The following NCOA2 variants were observed in gnomAD, a reference collection of about 807,000 sequenced individuals.
NCOA2 encodes the protein nuclear receptor coactivator 2.
NCOA2 carries 21 observed loss-of-function variants against 145.1 expected under a neutral mutation model. That is an observed-to-expected ratio of 0.14 (90% CI 0.10 to 0.21). The LOEUF is 0.21. Ranked by LOEUF, NCOA2 falls within the 10% of genes least tolerant of loss-of-function variation. NCOA2 has a pLI of 1.00. For synonymous variants in NCOA2, 619 were observed against 637.5 expected (o/e 0.97, Z 0.44); for missense variants, 1,472 against 1,837.6 (o/e 0.80, Z 3.64).
chr8:70,390,748 A>C (rs1160169839), intron 1 of NCOA2, among the ~76,000 whole-genome samples: 1 of 152,182 alleles, frequency 6.6e-6, no homozygotes, highest in Non-Finnish European at 1.5e-5. Context: ...AGCCTGGGCT[A>C]CAGAGCAAGA....
intron 1 of NCOA2, among the ~76,000 whole-genome samples, chr8:70,311,101 A>G (rs768444140): frequency 6.6e-6 from 1 of 152,172 alleles, no homozygotes; most frequent in Non-Finnish European, 1.5e-5. Context: ...CTGTTGACTG[A>G]TAATACATTT....
Position 70,160,659 on chromosome 8 carries a change from C to CAGAGAGAGAGAGAGAGAGAGAG in NCOA2, c.977-1029_977-1008dup, listed in dbSNP as rs776025101. Among the ~76,000 whole-genome samples the CAGAGAGAGAGAGAGAGAGAGAG allele has an allele frequency of 3.9e-3, 517 of 132,212 alleles. 10 individuals are homozygous for CAGAGAGAGAGAGAGAGAGAGAG. The highest frequency in any genetic ancestry group is 0.011 in the Admixed American group (140 of 12,942). 86.7% of individuals were successfully genotyped at this position (132,212 alleles called of 152,430 possible). A position where few individuals can be genotyped will look rare whatever the true frequency, so the allele number is the denominator to read the frequency against. ...CCACAAAACTGCCACAAGTGAGAGA[C>CAGAGAGAGAGAGAGAGAGAGAG]AGAGAGAGAGAGAGAGAGAGAGGGA... On this transcript the variant is annotated intron_variant, in intron 9 of 22. Transcript: ENST00000452400.
At chr8:70,319,235 T>C (rs945509239) in intron 1 of NCOA2, among the ~76,000 whole-genome samples, 3 of 152,130 alleles carry the variant, frequency 2.0e-5, no homozygotes, top group African/African-American at 4.8e-5. Flanking sequence ...ATGATGTTTC[T>C]GAAATTTATA....
intron 2 of NCOA2, among the ~76,000 whole-genome samples, chr8:70,272,250 G>C (rs1825109234): frequency 6.6e-6 from 1 of 152,022 alleles, no homozygotes. Context: ...TTCTGCTACA[G>C]GTATAGACAT....
At chr8:70,251,942 C>G (rs1026212484) in intron 2 of NCOA2, among the ~76,000 whole-genome samples, 11 of 152,184 alleles carry the variant, frequency 7.2e-5, no homozygotes, top group African/African-American at 2.7e-4. Flanking sequence ...CCCATGGATA[C>G]TCAAATCCTC....
intron 1 of NCOA2, among the ~76,000 whole-genome samples, chr8:70,315,503 C>T (rs1805512426): frequency 6.6e-6 from 1 of 152,110 alleles, no homozygotes; most frequent in Non-Finnish European, 1.5e-5. Flanking sequence ...TTAAATGATT[C>T]CAAACATTTT....
Position 70,163,560 on chromosome 8 carries a change from T to C in NCOA2, c.737A>G (p.Gln246Arg). The change falls in exon 8 of 23, where the codon CAG becomes CGG. Residue 246 changes from glutamine (Q) to arginine (R), a missense_variant. Physicochemically the swap from Gln to Arg is conservative, Grantham distance 43. Transcript: ENST00000452400. ...TCTTGCCACGCAAATCAAGCAGGAC[T>C]GCAAATCTTAAACCACACATGTTTA... ...KSIKEEGEDL[Q>R]SCLICVARRV... 1 of 1,613,294 alleles carries C rather than the reference T, an allele frequency of 6.2e-7. No individual in the cohort carries two copies. Among genetic ancestry groups the C allele is most frequent in the Non-Finnish European group, 8.5e-7 (1 of 1,179,312 alleles).
the NCOA2 span, among the ~76,000 whole-genome samples, chr8:70,410,178 A>G: frequency 6.6e-6 from 1 of 152,096 alleles, no homozygotes; most frequent in South Asian, 2.1e-4. Flanking sequence ...CCAGTGCACT[A>G]CAGCCTGAGT....
intron 2 of NCOA2, among the ~76,000 whole-genome samples, chr8:70,243,831 T>C (rs1330693327): frequency 6.6e-6 from 1 of 150,692 alleles, no homozygotes; most frequent in Non-Finnish European, 1.5e-5. Flanking sequence ...ATACGATAGT[T>C]AAAAAAAATC....
At chr8:70,441,992 GAAAGGAAAGAAAGAAAT>G in the NCOA2 span, among the ~76,000 whole-genome samples, 53,994 of 134,208 alleles carry the variant, frequency 0.4, 11,523 homozygotes, top group Middle Eastern at 0.59. Context: ...AAGAGAGAAA[GAAAGGAAAGAAAGAAAT>G]AAAGGAAAGA....
At chr8:70,324,296 G>A (rs561687894) in intron 1 of NCOA2, among the ~76,000 whole-genome samples, 26 of 152,140 alleles carry the variant, frequency 1.7e-4, no homozygotes, top group Middle Eastern at 3.4e-3. Flanking sequence ...TCAAGTACCA[G>A]GTGCCAGAGG....
intron 4 of NCOA2, among the ~76,000 whole-genome samples, chr8:70,187,718 C>T (rs571682863): frequency 4.6e-5 from 7 of 152,162 alleles, no homozygotes; most frequent in Non-Finnish European, 7.3e-5. Flanking sequence ...ATCAAATTAA[C>T]TGGTTTAAAT....
At chr8:70,359,775 G>T (rs563363822) in intron 1 of NCOA2, among the ~76,000 whole-genome samples, 40 of 152,186 alleles carry the variant, frequency 2.6e-4, no homozygotes, top group Non-Finnish European at 4.3e-4. Flanking sequence ...CCTTAACAGA[G>T]ATTTATACCC....
chr8:70,253,682 G>T (rs574993532), intron 2 of NCOA2, among the ~76,000 whole-genome samples: 4 of 152,168 alleles, frequency 2.6e-5, no homozygotes, highest in Admixed American at 1.3e-4. Context: ...AATAGTATTG[G>T]GAAAATTGGA....
chr8:70,402,809 A>G (rs1814447943), intron 1 of NCOA2, among the ~76,000 whole-genome samples: 1 of 128,702 alleles, frequency 7.8e-6, no homozygotes, highest in Admixed American at 7.6e-5. Context: ...CGCCTCCTGC[A>G]TACACGCCCG....
chr8:70,203,441 A>T lies in NCOA2; in HGVS notation c.259+10462T>A, dbSNP rs1048660077. Among the ~76,000 whole-genome samples the T allele has an allele frequency of 7.3e-5, 11 of 151,558 alleles. No homozygotes were observed. In the East Asian group the frequency reaches 1.5e-3, roughly 21 times the overall value. On this transcript the variant is annotated intron_variant, in intron 4 of 22. Coordinates refer to ENST00000452400, the MANE Select transcript of NCOA2 (RefSeq NM_006540.4). Reference sequence around the variant, plus strand: ...GGATCGTTCTTATTGATTTGTTTTTAAAAAAACAAACCCAAAACAAACACC... The same window carrying T: ...GGATCGTTCTTATTGATTTGTTTTTTAAAAAACAAACCCAAAACAAACACC...
intron 2 of NCOA2, among the ~76,000 whole-genome samples, chr8:70,282,072 A>G (rs543138352): frequency 5.3e-5 from 8 of 151,760 alleles, no homozygotes; most frequent in African/African-American, 1.9e-4. Context: ...GAGGTGAGAG[A>G]TAAGACCAAA....
At chr8:70,374,210 G>A (rs887788050) in intron 1 of NCOA2, among the ~76,000 whole-genome samples, 1 of 152,086 alleles carries the variant, frequency 6.6e-6, no homozygotes, top group Non-Finnish European at 1.5e-5. Context: ...GGTGGCTCAC[G>A]CCTATAATCC....
At chr8:70,208,379 T>C (rs1818683425) in intron 4 of NCOA2, among the ~76,000 whole-genome samples, 1 of 152,174 alleles carries the variant, frequency 6.6e-6, no homozygotes, top group Non-Finnish European at 1.5e-5. Context: ...AATATAAAAA[T>C]ATAAGGTGAA....
Sources: allele counts gnomAD v4.1 joint callset (sites outside exome capture counted in the v4.1 genomes callset), GRCh38; gene constraint gnomAD v4.1.1; transcripts MANE v1.5; gene names NCBI Gene and HGNC (gene_info 2026-07-23, HGNC 2026-07-21).